The following EHMT1 variants were observed in gnomAD, a reference collection of about 807,000 sequenced individuals.
The protein encoded by EHMT1 is histone-lysine N-methyltransferase EHMT1.
Under a neutral mutation model 147.2 loss-of-function variants are expected in EHMT1, and 15 were observed. That is an observed-to-expected ratio of 0.10 (90% CI 0.07 to 0.16). The LOEUF (loss-of-function observed/expected upper bound fraction) is 0.16. Ranked by LOEUF, EHMT1 falls within the 10% of genes least tolerant of loss-of-function variation. EHMT1 has a pLI of 1.00. For missense variants in EHMT1, 1,587 were observed against 1,772.4 expected (o/e 0.90, Z 1.88); for synonymous variants, 795 against 709.6 (o/e 1.12, Z -1.91).
chr9:137,645,216 C>T (rs531721698), intron 1 of EHMT1, among the ~76,000 whole-genome samples: 1 of 152,388 alleles, frequency 6.6e-6, no homozygotes, highest in African/African-American at 2.4e-5. Flanking sequence ...TGTTGCCTGG[C>T]ACACTTCAGG....
chr9:137,766,240 G>C (rs1197913585), intron 10 of EHMT1, among the ~76,000 whole-genome samples: 1 of 152,128 alleles, frequency 6.6e-6, no homozygotes, highest in Non-Finnish European at 1.5e-5. Context: ...ACCTACATTT[G>C]TTGTTTATTC....
At chr9:137,752,444 T>C (rs2136191398) in intron 7 of EHMT1, 36 bp downstream of exon 7, 1 of 1,605,300 alleles carries the variant, frequency 6.2e-7, no homozygotes, top group Non-Finnish European at 8.5e-7. Context: ...TCTGTGCTGA[T>C]GTAGAGGAGA....
rs1043305457 is a variant in EHMT1 at position 137,619,034 on chromosome 9, C to T, written c.6C>T (p.Ala2=). The change falls in exon 1 of 27, where the codon GCC becomes GCT. Residue 2 remains alanine (A), a synonymous_variant. Transcript: ENST00000460843. M[A]AADAEAVPAR... ...CCACGCTGCGGGCCCGGGCCATGGC[C>T]GCCGCCGATGCCGAGGTGAGCAGCG... The T allele has an allele frequency of 1.0e-6, 1 of 967,298 alleles. No individual in the cohort carries two copies. The highest frequency in any genetic ancestry group is 1.2e-6 in the Non-Finnish European group (1 of 815,366). The allele number at this position is 967,298 out of a possible 1,614,324, so 59.9% of individuals were successfully genotyped here.
chr9:137,717,039 G>T lies in EHMT1; in HGVS notation c.499G>T (p.Ala167Ser), dbSNP rs141282876. ...GGAGKGRTPS[A>S]FPQTPAAPPA... ...GGCTGGCAAAGGCAGGACTCCAAGC[G>T]CTTTTCCCCAGACGCCAGCCGCCCC... Residue 167 changes from alanine (A) to serine (S), a missense_variant, in exon 3 of 27, where the codon GCT becomes TCT. Physicochemically the swap from Ala to Ser is moderately conservative, Grantham distance 99 (BLOSUM62 1). This residue lies in a region of EHMT1 where 810 missense variants were observed against 673.0 expected (regional missense o/e 1.20). Coordinates refer to ENST00000460843, the MANE Select transcript of EHMT1 (RefSeq NM_024757.5). The T allele has an allele frequency of 1.2e-6, 2 of 1,606,866 alleles. No individual in the cohort carries two copies. The highest frequency in any genetic ancestry group is 2.2e-5 in the East Asian group (1 of 44,740).
chr9:137,624,434 G>C lies in EHMT1; in HGVS notation c.21+5385G>C, dbSNP rs188016950. On this transcript the variant is annotated intron_variant, in intron 1 of 26. Coordinates refer to ENST00000460843, the MANE Select transcript of EHMT1 (RefSeq NM_024757.5). ...CGGTTCAGGCAATTCTCCTGCCTCA[G>C]CCTCCCGAGTAGCTGTGATTACAGG... Among the ~76,000 whole-genome samples the C allele has an allele frequency of 2.4e-3, 365 of 151,674 alleles. 1 individual carries two copies. The highest frequency in any genetic ancestry group is 8.3e-3 in the African/African-American group (345 of 41,352).
chr9:137,789,632 G>A (rs985406493), intron 15 of EHMT1, among the ~76,000 whole-genome samples: 1 of 152,194 alleles, frequency 6.6e-6, no homozygotes, highest in Non-Finnish European at 1.5e-5. Context: ...TCTGACCCTT[G>A]GTCTGTGGAC....
chr9:137,788,461 G>GTTGCAGGTGTAGGGAGA (rs909713180), intron 15 of EHMT1: 2 of 180,132 alleles, frequency 1.1e-5, no homozygotes, highest in East Asian at 1.5e-4. Flanking sequence ...GCGTACGGAG[G>GTTGCAGGTGTAGGGAGA]TTGCAGGTGT....
At chr9:137,667,758 CGTT>C in intron 1 of EHMT1, among the ~76,000 whole-genome samples, 1 of 152,200 alleles carries the variant, frequency 6.6e-6, no homozygotes, top group Admixed American at 6.5e-5. Flanking sequence ...ACAGTGAAAG[CGTT>C]GTATTTTTAG....
intron 1 of EHMT1, among the ~76,000 whole-genome samples, chr9:137,697,511 G>A (rs1488122273): frequency 2.6e-5 from 4 of 152,038 alleles, no homozygotes; most frequent in Non-Finnish European, 4.4e-5. Flanking sequence ...TTTTTGAAGC[G>A]GTTTTAAATT....
intron 1 of EHMT1, among the ~76,000 whole-genome samples, chr9:137,644,966 A>G (rs1844779280): frequency 6.6e-6 from 1 of 151,798 alleles, no homozygotes. Context: ...TCCACCTCCC[A>G]GGTTCAAGTG....
At chr9:137,628,336 C>T (rs985957782) in intron 1 of EHMT1, among the ~76,000 whole-genome samples, 22 of 152,216 alleles carry the variant, frequency 1.4e-4, no homozygotes, top group Admixed American at 4.6e-4. Context: ...TTATGTGTCT[C>T]TTTCCTGCTT....
intron 1 of EHMT1, among the ~76,000 whole-genome samples, chr9:137,624,281 C>T (rs1300718241): frequency 6.7e-6 from 1 of 150,216 alleles, no homozygotes; most frequent in Admixed American, 6.7e-5. Flanking sequence ...GATTACAGGC[C>T]AGGCATTAGG....
Position 137,777,909 on chromosome 9 carries a change from C to A in EHMT1, c.2046C>A (p.Asp682Glu). 1 of 1,613,612 alleles carries A rather than the reference C, an allele frequency of 6.2e-7. No individual in the cohort carries two copies. The highest frequency in any genetic ancestry group is 8.5e-7 in the Non-Finnish European group (1 of 1,180,032). ...CTGCCGGGCCACCACTCTCGGAGGA[C>A]GACAAGCTGCAGGGTGCAGCCTCCC... ...GSAAGPPLSE[D>E]DKLQGAASHV... The change falls in exon 13 of 27, where the codon GAC becomes GAA. Residue 682 changes from aspartate to glutamate, a missense_variant. Around this residue, in one of 7 missense-constraint regions of EHMT1, gnomAD observed 77 missense variants for 79.3 expected, o/e 0.97. Coordinates refer to ENST00000460843, the MANE Select transcript of EHMT1 (RefSeq NM_024757.5).
At chr9:137,662,621 T>A (rs1468435909) in intron 1 of EHMT1, among the ~76,000 whole-genome samples, 1 of 152,118 alleles carries the variant, frequency 6.6e-6, no homozygotes, top group Admixed American at 6.5e-5. Flanking sequence ...TGCCTCAGTC[T>A]CCTGAGTAGC....
chr9:137,635,295 C>G (rs1843925250), intron 1 of EHMT1, among the ~76,000 whole-genome samples: 1 of 151,718 alleles, frequency 6.6e-6, no homozygotes, highest in African/African-American at 2.4e-5. Flanking sequence ...CAACCTCCGC[C>G]TCCTGAATTC....
At chr9:137,755,365 G>A (rs1412768775) in intron 8 of EHMT1, among the ~76,000 whole-genome samples, 1 of 152,212 alleles carries the variant, frequency 6.6e-6, no homozygotes, top group Non-Finnish European at 1.5e-5. Context: ...GCTTCTCTGA[G>A]TATAATTGTT....
At chr9:137,760,112 G>A (rs1316513844) in intron 9 of EHMT1, among the ~76,000 whole-genome samples, 8 of 152,194 alleles carry the variant, frequency 5.3e-5, no homozygotes, top group African/African-American at 1.7e-4. Flanking sequence ...GCCAGGAGTC[G>A]GTAACCATGG....
At position 137,732,354 on chromosome 9, in the gene EHMT1, GTGGGTCCCGAGTTCTTGTCT is replaced by G. The variant is rs1947184875; in HGVS notation, c.823+3833_823+3852del. 6.6e-6 allele frequency among the ~76,000 whole-genome samples: 1 copy of G among 152,242 alleles called. No homozygotes were observed. Among genetic ancestry groups the G allele is most frequent in the South Asian group, 2.1e-4 (1 of 4,832 alleles). On this transcript the variant is annotated intron_variant, in intron 4 of 26. Transcript: ENST00000460843. The surrounding 1 kb of genome is among the most constrained non-coding windows in gnomAD (Gnocchi z 4.6). ...CAGCCCTTTTTGCACCCGCTGTTGC[GTGGGTCCCGAGTTCTTGTCT>G]TGGGTCCAGGAAGAATGAGGTTACA...
rs566701810 is a variant in EHMT1 at position 137,711,039 on chromosome 9, G to A, written c.85+9G>A. On this transcript the variant is annotated intron_variant, in intron 2 of 26. Transcript: ENST00000460843. Reference sequence around the variant, plus strand: ...CGAGCTGCTGGGAGAAGGTGAGGGCGGTGTGCACCGAGGGACAGGAGCAGC... The same window carrying A: ...CGAGCTGCTGGGAGAAGGTGAGGGCAGTGTGCACCGAGGGACAGGAGCAGC... The A allele has an allele frequency of 3.9e-5, 62 of 1,585,322 alleles. No individual in the cohort carries two copies. Among genetic ancestry groups the A allele is most frequent in the Middle Eastern group, 3.3e-4 (2 of 6,034 alleles).
Sources: gnomAD v4.1 joint callset for allele counts (sites outside exome capture counted in the v4.1 genomes callset) on GRCh38, gnomAD v4.1.1 for gene constraint, gnomAD v4.1.1 regional missense constraint, Gnocchi (gnomAD v3.1) non-coding constraint, MANE v1.5 for transcripts, NCBI Gene and HGNC (gene_info 2026-07-23, HGNC 2026-07-21) for gene names.